Variants in SFTPB observed in about 807,000 individuals in gnomAD.
The protein encoded by SFTPB is surfactant protein B, also known as pulmonary surfactant-associated protein B.
SFTPB carries 32 observed loss-of-function variants against 51.0 expected under a neutral mutation model. That is an observed-to-expected ratio of 0.63 (90% CI 0.47 to 0.84). SFTPB has a LOEUF of 0.84. Among genes scored for constraint, SFTPB ranks in the 40% least tolerant of loss-of-function variants. SFTPB has a pLI of 0.00. For synonymous variants in SFTPB, 211 were observed against 208.5 expected (o/e 1.01, Z -0.10); for missense variants, 431 against 491.2 (o/e 0.88, Z 1.16).
At chr2:85,667,079 C>G (rs1227954910) in intron 3 of SFTPB, 27 bp downstream of exon 3, 1 of 1,585,522 alleles carries the variant, frequency 6.3e-7, no homozygotes, top group South Asian at 1.1e-5. Context: ...GGGCCCCAAC[C>G]TTCATCCAGG....
intron 4 of SFTPB, chr2:85,666,409 G>C: frequency 1.9e-6 from 1 of 521,280 alleles, no homozygotes; most frequent in Non-Finnish European, 3.5e-6. Flanking sequence ...GTGTGTGTCC[G>C]GCCAGCTGGG....
At chr2:85,664,454 C>T (rs3024803) in intron 6 of SFTPB, among the ~76,000 whole-genome samples, 9,566 of 152,122 alleles carry the variant, frequency 0.063, 993 homozygotes, top group African/African-American at 0.22. Flanking sequence ...GCAATCTCTG[C>T]AGTGATCTTT....
chr2:85,662,709 C>T (rs1475148418), intron 8 of SFTPB, among the ~76,000 whole-genome samples: 1 of 152,014 alleles, frequency 6.6e-6, no homozygotes, highest in Non-Finnish European at 1.5e-5. Context: ...GGCCTGGTAG[C>T]ACATGCCTGT....
rs570164481 is a variant in SFTPB at position 85,666,614 on chromosome 2, C to T, written c.393+3G>A. On this transcript the variant is annotated splice_donor_region_variant and intron_variant, in intron 4 of 10. Coordinates refer to ENST00000519937, the MANE Select transcript of SFTPB (RefSeq NM_000542.5). ...AGGCAGGAGGTGAGCTTGCAGCCCT[C>T]ACAGTCTGGTTCTGGAAGTAGTCGA... is the stretch of plus-strand genomic sequence containing the variant. 6.2e-7 allele frequency: 1 copy of T among 1,613,408 alleles called. No individual in the cohort carries two copies. Among genetic ancestry groups the T allele is most frequent in the Non-Finnish European group, 8.5e-7 (1 of 1,179,686 alleles).
rs780688071 is a variant in SFTPB at position 85,661,535 on chromosome 2, C to A, written c.1084G>T (p.Ala362Ser). The A allele has an allele frequency of 6.8e-6, 11 of 1,610,242 alleles. No homozygotes were observed. The highest frequency in any genetic ancestry group is 1.3e-5 in the African/African-American group (1 of 74,832). The change falls in exon 10 of 11, where the codon GCC (alanine) becomes TCC (serine). Residue 362 changes from alanine to serine, a missense_variant and splice_region_variant. Physicochemically the swap from Ala to Ser is moderately conservative, Grantham distance 99. Coordinates refer to ENST00000519937, the MANE Select transcript of SFTPB (RefSeq NM_000542.5). ...GACATGGTCCCACACACCCCGAGGG[C>A]CTGTCACAGGGACAGCACCAGGGCT... is the stretch of plus-strand genomic sequence containing the variant. Reference protein sequence around the residue: ...RGWDAHTTCQALGVCGTMSSP... With the variant: ...RGWDAHTTCQSLGVCGTMSSP...
chr2:85,661,443 C>T lies in SFTPB; in HGVS notation c.*19+11G>A. On this transcript the variant is annotated intron_variant, in intron 10 of 10. Coordinates refer to ENST00000519937, the MANE Select transcript of SFTPB (RefSeq NM_000542.5). ...CCCCTTACCTCCCCGCAACTGGGGG[C>T]CTGGACTCACCTGGACAGCTGAGTT... 1.3e-6 allele frequency: 2 copies of T among 1,591,584 alleles called. No individual in the cohort carries two copies. The highest frequency in any genetic ancestry group is 2.3e-5 in the East Asian group (1 of 44,374).
rs1381173229 is a variant in SFTPB at position 85,665,802 on chromosome 2, A to G, written c.394-8T>C. ...ACAGATGCCGTTTGAGTCCTGGGGCACAGCACAGGGTGGGAGTGTTAGGGT... is the reference window on the plus strand; with the variant it reads ...ACAGATGCCGTTTGAGTCCTGGGGCGCAGCACAGGGTGGGAGTGTTAGGGT... On this transcript the variant is annotated splice_region_variant and splice_polypyrimidine_tract_variant and intron_variant, in intron 4 of 10. Coordinates refer to ENST00000519937, the MANE Select transcript of SFTPB (RefSeq NM_000542.5). The G allele has an allele frequency of 2.5e-6, 4 of 1,613,764 alleles. No homozygotes were observed. The African/African-American group carries it at 5.3e-5, about 22-fold the overall frequency.
chr2:85,668,515 C>G (rs764234580), upstream of SFTPB, among the ~76,000 whole-genome samples: 3 of 152,234 alleles, frequency 2.0e-5, no homozygotes, highest in Admixed American at 6.5e-5. Context: ...TGGAGGGCAT[C>G]TGGTTGGGGG....
intron 4 of SFTPB, 85 bp from the exon 5 acceptor site, chr2:85,665,879 C>A: frequency 7.6e-7 from 1 of 1,324,444 alleles, no homozygotes; most frequent in Non-Finnish European, 1.1e-6. Context: ...TCAGGGACCA[C>A]TGGAATGGGA....
chr2:85,659,752 C>T (rs1677195147), intron 10 of SFTPB, 70 bp from the exon 11 acceptor site: 1 of 152,486 alleles, frequency 6.6e-6, no homozygotes, highest in Non-Finnish European at 1.5e-5. Context: ...CAGGTGATAG[C>T]AGAGGTGGTT....
rs1357034362 is a variant in SFTPB at position 85,657,723 on chromosome 2, G to C, written c.*1979C>G. ...TTTTTAATCACCTGGGTGCAGGTGG[G>C]CTGAGTCCAAAAAGAGTCAGCAAAG... On this transcript the variant is annotated 3_prime_UTR_variant, in exon 11 of 11. Coordinates refer to ENST00000519937, the MANE Select transcript of SFTPB (RefSeq NM_000542.5). 6.6e-6 allele frequency: 1 copy of C among 152,182 alleles called. No homozygotes were observed. The highest frequency in any genetic ancestry group is 1.5e-5 in the Non-Finnish European group (1 of 68,042). 9.4% of individuals were successfully genotyped at this position (152,182 alleles called of 1,614,324 possible). A position where few individuals can be genotyped will look rare whatever the true frequency, so the allele number is the denominator to read the frequency against.
chr2:85,660,674 C>T (rs3024820), intron 10 of SFTPB, among the ~76,000 whole-genome samples: 1,504 of 149,948 alleles, frequency 0.01, 23 homozygotes, highest in African/African-American at 0.035. Flanking sequence ...AGGCTAGTCT[C>T]GAACTCCTGA....
intron 1 of SFTPB, 24 bp from the exon 2 acceptor site, chr2:85,667,830 C>G (rs755678748): frequency 1.9e-6 from 3 of 1,614,256 alleles, no homozygotes; most frequent in East Asian, 2.2e-5. Context: ...CCAGAGCAAC[C>G]TTAATCAGGA....
chr2:85,658,340 A>G lies in SFTPB; in HGVS notation c.*1362T>C, dbSNP rs1256254797. 1 of 152,100 alleles carries G rather than the reference A, an allele frequency of 6.6e-6. No individual in the cohort carries two copies. Among genetic ancestry groups the G allele is most frequent in the East Asian group, 1.9e-4 (1 of 5,190 alleles). 9.4% of individuals were successfully genotyped at this position (152,100 alleles called of 1,614,324 possible). On this transcript the variant is annotated 3_prime_UTR_variant, in exon 11 of 11. Coordinates refer to ENST00000519937, the MANE Select transcript of SFTPB (RefSeq NM_000542.5). ...TGTCCTCATGACCTAACCTCATCCC[A>G]GTGAGTAGAGACTGGGAGGGGAGAG...
Position 85,667,819 on chromosome 2 carries a change from G to A in SFTPB, c.68-13C>T, listed in dbSNP as rs1677733712. ...GTGGTCCAGGCAGCTGTGGTTTGGG[G>A]CCAGAGCAACCTTAATCAGGATCCA... On this transcript the variant is annotated splice_polypyrimidine_tract_variant and intron_variant, in intron 1 of 10. Transcript: ENST00000519937. 1 of 1,614,240 alleles carries A rather than the reference G, an allele frequency of 6.2e-7. No individual in the cohort carries two copies. The highest frequency in any genetic ancestry group is 8.5e-7 in the Non-Finnish European group (1 of 1,180,034).
chr2:85,667,925 C>T (rs896441508), intron 1 of SFTPB, 119 bp from the exon 2 acceptor site: 47 of 1,434,774 alleles, frequency 3.3e-5, no homozygotes, highest in African/African-American at 4.2e-5. Flanking sequence ...AACATGTGGA[C>T]GTCAGACAGC....
At chr2:85,662,923 G>GCCCTCTCCT (rs1349823211) in intron 8 of SFTPB, among the ~76,000 whole-genome samples, 1 of 150,664 alleles carries the variant, frequency 6.6e-6, no homozygotes, top group East Asian at 2.0e-4. Context: ...TTCAAGTCCA[G>GCCCTCTCCT]CCCTCTCCTT....
At chr2:85,666,431 G>GTGTGTGTCCGGCTGGCTGGGGTAC in intron 4 of SFTPB, 186 bp downstream of exon 4, 1 of 568,282 alleles carries the variant, frequency 1.8e-6, no homozygotes, top group East Asian at 3.5e-5. Context: ...TGTTGTGTGT[G>GTGTGTGTCCGGCTGGCTGGGGTAC]TGTGTGTGTG....
chr2:85,667,899 G>T (rs1677737943), intron 1 of SFTPB, 93 bp from the exon 2 acceptor site: 1 of 1,564,260 alleles, frequency 6.4e-7, no homozygotes, highest in Admixed American at 1.8e-5. Flanking sequence ...GTTTTGCTGG[G>T]AGTGTGAGGC....
Sources: allele counts gnomAD v4.1 joint callset (sites outside exome capture counted in the v4.1 genomes callset), GRCh38; gene constraint gnomAD v4.1.1; transcripts MANE v1.5; gene names NCBI Gene and HGNC (gene_info 2026-07-23, HGNC 2026-07-21).